SHISA9: variants seen among roughly 807,000 people sequenced by gnomAD.
SHISA9 encodes the protein shisa family member 9.
SHISA9 carries 13 observed loss-of-function variants against 38.0 expected under a neutral mutation model. That is an observed-to-expected ratio of 0.34 (90% CI 0.22 to 0.54). SHISA9 has a LOEUF of 0.54. Among genes scored for constraint, SHISA9 ranks in the 20% least tolerant of loss-of-function variants. The pLI, the probability that SHISA9 is intolerant of heterozygous loss-of-function variation, is 0.91. For synonymous variants in SHISA9, 275 were observed against 242.0 expected (o/e 1.14, Z -1.27); for missense variants, 538 against 575.8 (o/e 0.93, Z 0.67).
At chr16:13,035,331 T>C (rs2073042034) in intron 2 of SHISA9, among the ~76,000 whole-genome samples, 1 of 152,168 alleles carries the variant, frequency 6.6e-6, no homozygotes, top group Non-Finnish European at 1.5e-5. Flanking sequence ...GTCAACCAGC[T>C]AGGAAAGAGT....
chr16:13,139,744 A>T (rs1381589728), intron 2 of SHISA9, among the ~76,000 whole-genome samples: 1 of 152,138 alleles, frequency 6.6e-6, no homozygotes, highest in Non-Finnish European at 1.5e-5. Context: ...TTTGTTCCTA[A>T]CAATTTAAGG....
chr16:13,129,370 A>G lies in SHISA9; in HGVS notation c.692-74024A>G, dbSNP rs570655304. Among the ~76,000 whole-genome samples, 214 of 152,246 alleles carry G rather than the reference A, an allele frequency of 1.4e-3. 2 individuals are homozygous for G. The highest frequency in any genetic ancestry group is 5.0e-3 in the African/African-American group (208 of 41,550). ...CATCCTCTGGCTCCACTATTCTCCTAAGTTCTTGGAGTCCTCCTCTAGGTC... is the reference window on the plus strand; with the variant it reads ...CATCCTCTGGCTCCACTATTCTCCTGAGTTCTTGGAGTCCTCCTCTAGGTC... On this transcript the variant is annotated intron_variant, in intron 2 of 4. Coordinates refer to ENST00000558583, the MANE Select transcript of SHISA9 (RefSeq NM_001145204.3).
At chr16:12,961,704 T>C in intron 2 of SHISA9, among the ~76,000 whole-genome samples, 1 of 152,208 alleles carries the variant, frequency 6.6e-6, no homozygotes, top group Non-Finnish European at 1.5e-5. Context: ...CCCATTCCCC[T>C]GCCAAAAGCA....
At chr16:13,497,550 T>C in the SHISA9 span, among the ~76,000 whole-genome samples, 1 of 151,832 alleles carries the variant, frequency 6.6e-6, no homozygotes, top group Non-Finnish European at 1.5e-5. Context: ...CCGGGCATGG[T>C]GGCGCATGCC....
At chr16:13,353,436 G>T in the SHISA9 span, among the ~76,000 whole-genome samples, 1 of 152,160 alleles carries the variant, frequency 6.6e-6, no homozygotes, top group Admixed American at 6.5e-5. Context: ...AAGCGTGGCA[G>T]TTTGGGGATA....
chr16:13,219,382 G>A lies in SHISA9; in HGVS notation c.895+6082G>A, dbSNP rs186771191. On this transcript the variant is annotated intron_variant, in intron 4 of 4. Coordinates refer to ENST00000558583, the MANE Select transcript of SHISA9 (RefSeq NM_001145204.3). ...ATTTTGTCTTTTCTGAAAAGGTACT[G>A]GGAAATGAGAATCAACCAGAGGGAA... Among the ~76,000 whole-genome samples the A allele has an allele frequency of 5.9e-5, 9 of 152,258 alleles. No individual in the cohort carries two copies. The East Asian group carries it at 1.4e-3, about 23-fold the overall frequency.
At chr16:13,538,811 C>T in the SHISA9 span, among the ~76,000 whole-genome samples, 2 of 152,146 alleles carry the variant, frequency 1.3e-5, no homozygotes, top group African/African-American at 4.8e-5. Context: ...AATTCTCTCC[C>T]CTTGATTGCA....
the SHISA9 span, among the ~76,000 whole-genome samples, chr16:13,435,998 T>C: frequency 6.6e-6 from 1 of 152,176 alleles, no homozygotes; most frequent in African/African-American, 2.4e-5. Flanking sequence ...CAAAAGTCAC[T>C]GTTGGGGCAC....
At chr16:13,488,994 C>T in the SHISA9 span, among the ~76,000 whole-genome samples, 2 of 152,112 alleles carry the variant, frequency 1.3e-5, no homozygotes, top group African/African-American at 4.8e-5. Flanking sequence ...AGGATGGTCT[C>T]GGTCTCCTGA....
At position 13,096,348 on chromosome 16, in the gene SHISA9, C is replaced by T. The variant is rs574972638; in HGVS notation, c.692-107046C>T. Among the ~76,000 whole-genome samples, 50 of 152,250 alleles carry T rather than the reference C, an allele frequency of 3.3e-4. No individual in the cohort carries two copies. The South Asian group carries it at 6.9e-3, about 21-fold the overall frequency. ...TTGCGACACAGAATGCAGAGACAAA[C>T]GCCATATCATCTCTGCCCTCAAGAA... is the stretch of plus-strand genomic sequence containing the variant. On this transcript the variant is annotated intron_variant, in intron 2 of 4. Coordinates refer to ENST00000558583, the MANE Select transcript of SHISA9 (RefSeq NM_001145204.3).
At chr16:13,455,055 C>T in the SHISA9 span, among the ~76,000 whole-genome samples, 12 of 152,054 alleles carry the variant, frequency 7.9e-5, no homozygotes, top group African/African-American at 2.9e-4. Context: ...TCTAATTCTA[C>T]TATTTTAGTT....
chr16:12,913,628 C>T (rs2071214809), intron 1 of SHISA9, among the ~76,000 whole-genome samples: 1 of 152,094 alleles, frequency 6.6e-6, no homozygotes. Flanking sequence ...TTTTAATCAC[C>T]CTTACAAAAA....
the SHISA9 span, among the ~76,000 whole-genome samples, chr16:13,284,728 G>T: frequency 6.6e-6 from 1 of 152,146 alleles, no homozygotes; most frequent in Non-Finnish European, 1.5e-5. Flanking sequence ...CTCCCAAGTA[G>T]CTGGGATTAC....
intron 2 of SHISA9, among the ~76,000 whole-genome samples, chr16:13,178,350 T>G (rs1165597250): frequency 6.6e-6 from 1 of 151,472 alleles, no homozygotes; most frequent in Non-Finnish European, 1.5e-5. Flanking sequence ...TCTTTTCATC[T>G]GTTAAATTTT....
chr16:13,379,923 C>T, the SHISA9 span, among the ~76,000 whole-genome samples: 3 of 152,146 alleles, frequency 2.0e-5, no homozygotes, highest in African/African-American at 4.8e-5. Context: ...GTTAATGAAA[C>T]ACCCATGACA....
chr16:12,908,173 T>C (rs115207143), intron 1 of SHISA9, among the ~76,000 whole-genome samples: 1 of 152,274 alleles, frequency 6.6e-6, no homozygotes, highest in East Asian at 1.9e-4. Flanking sequence ...TGACATTTTT[T>C]ACCTCTTGTC....
chr16:13,273,773 A>T, the SHISA9 span, among the ~76,000 whole-genome samples: 9 of 152,290 alleles, frequency 5.9e-5, no homozygotes, highest in East Asian at 1.2e-3. Context: ...AGGAGCAGAC[A>T]TAGGGCAGGG....
chr16:13,048,594 G>T (rs758571368), intron 2 of SHISA9, among the ~76,000 whole-genome samples: 1 of 152,118 alleles, frequency 6.6e-6, no homozygotes, highest in Non-Finnish European at 1.5e-5. Context: ...GCTAATTTTT[G>T]TATTTTTAAT....
intron 4 of SHISA9, among the ~76,000 whole-genome samples, chr16:13,216,994 G>T (rs1389470666): frequency 1.3e-5 from 2 of 151,990 alleles, no homozygotes; most frequent in Non-Finnish European, 2.9e-5. Flanking sequence ...ACCCTGGGCT[G>T]GGCGCGGTGG....
Sources: gnomAD v4.1 joint callset for allele counts (sites outside exome capture counted in the v4.1 genomes callset) on GRCh38, gnomAD v4.1.1 for gene constraint, MANE v1.5 for transcripts, NCBI Gene and HGNC (gene_info 2026-07-23, HGNC 2026-07-21) for gene names.